SLC1A2: variants seen among roughly 807,000 people sequenced by gnomAD.
The protein encoded by SLC1A2 is excitatory amino acid transporter 2.
A neutral mutation model predicts 48.8 loss-of-function variants in SLC1A2; 15 were observed. That is an observed-to-expected ratio of 0.31 (90% CI 0.21 to 0.47). SLC1A2 has a LOEUF of 0.47. Among genes scored for constraint, SLC1A2 ranks in the 20% least tolerant of loss-of-function variants. SLC1A2 has a pLI of 0.99. For synonymous variants in SLC1A2, 279 were observed against 272.6 expected (o/e 1.02, Z -0.23); for missense variants, 502 against 730.5 (o/e 0.69, Z 3.61).
chr11:35,404,617 C>G (rs1182469588), intron 1 of SLC1A2: 2 of 152,220 alleles, frequency 1.3e-5, no homozygotes, highest in African/African-American at 4.8e-5. Context: ...TGCCCTCTCG[C>G]TCTTCCTTCA....
At chr11:35,347,910 A>C (rs1385610937) in intron 1 of SLC1A2, among the ~76,000 whole-genome samples, 1 of 152,232 alleles carries the variant, frequency 6.6e-6, no homozygotes, top group Non-Finnish European at 1.5e-5. Flanking sequence ...GTTCCTAAGA[A>C]AAATGAGGAC....
chr11:35,399,544 G>A, intron 1 of SLC1A2: 1 of 929,430 alleles, frequency 1.1e-6, no homozygotes. Context: ...TGGGTCTTGA[G>A]ACAAGATAGT....
intron 1 of SLC1A2, among the ~76,000 whole-genome samples, chr11:35,405,735 T>C (rs114988978): frequency 0.012 from 1,773 of 152,294 alleles, 37 homozygotes; most frequent in African/African-American, 0.041. Flanking sequence ...CTTCACAAGA[T>C]GAGCTGCTTC....
At chr11:35,358,414 G>A (rs914123924) in intron 1 of SLC1A2, among the ~76,000 whole-genome samples, 1 of 152,050 alleles carries the variant, frequency 6.6e-6, no homozygotes, top group Non-Finnish European at 1.5e-5. Context: ...GAACTTCAAG[G>A]AATTCATTTT....
chr11:35,404,046 T>C (rs1168538502), intron 1 of SLC1A2, among the ~76,000 whole-genome samples: 4 of 149,038 alleles, frequency 2.7e-5, no homozygotes, highest in Non-Finnish European at 6.0e-5. Flanking sequence ...ACACAACGTT[T>C]TCACACCTAT....
intron 1 of SLC1A2, among the ~76,000 whole-genome samples, chr11:35,389,452 CCTT>C (rs1555020634): frequency 1.3e-5 from 2 of 150,430 alleles, no homozygotes; most frequent in Non-Finnish European, 3.0e-5. Flanking sequence ...TTCTCCTTCT[CCTT>C]CTTCTTCTTC....
intron 1 of SLC1A2, chr11:35,380,284 T>G (rs1854379406): frequency 2.5e-6 from 1 of 398,240 alleles, no homozygotes; most frequent in Non-Finnish European, 4.4e-6. Context: ...TCTGGGTGGT[T>G]CGACTCCACC....
chr11:35,281,275 C>G (rs775695074), intron 8 of SLC1A2, among the ~76,000 whole-genome samples: 99 of 152,248 alleles, frequency 6.5e-4, no homozygotes, highest in Middle Eastern at 3.4e-3. Flanking sequence ...TCTAATATAT[C>G]ACAGGGCTCA....
At chr11:35,342,764 C>A (rs906714068) in intron 1 of SLC1A2, among the ~76,000 whole-genome samples, 7 of 151,040 alleles carry the variant, frequency 4.6e-5, no homozygotes, top group Non-Finnish European at 1.0e-4. Context: ...CCAGCCTGGG[C>A]GCGACAGAGT....
At chr11:35,297,594 A>T in intron 6 of SLC1A2, among the ~76,000 whole-genome samples, 1 of 152,144 alleles carries the variant, frequency 6.6e-6, no homozygotes, top group Admixed American at 6.5e-5. Flanking sequence ...TTATGTTTTT[A>T]TAGGGGTGAG....
At chr11:35,352,439 G>C (rs905640341) in intron 1 of SLC1A2, 1 of 152,234 alleles carries the variant, frequency 6.6e-6, no homozygotes, top group Non-Finnish European at 1.5e-5. Context: ...ACTATTTTTG[G>C]CTGGCAGGCA....
At chr11:35,265,933 T>C (rs1950475785) in intron 9 of SLC1A2, among the ~76,000 whole-genome samples, 175 bp from the exon 10 acceptor site, 1 of 152,212 alleles carries the variant, frequency 6.6e-6, no homozygotes, top group Non-Finnish European at 1.5e-5. Context: ...TGTTTGTCAG[T>C]TGGAGGTGAT....
chr11:35,384,754 T>G (rs1854533330), intron 1 of SLC1A2, among the ~76,000 whole-genome samples: 1 of 152,210 alleles, frequency 6.6e-6, no homozygotes, highest in African/African-American at 2.4e-5. Context: ...CTTGTTCTAT[T>G]GGACAGTTAC....
At chr11:35,357,097 GA>G (rs916627480) in intron 1 of SLC1A2, among the ~76,000 whole-genome samples, 20 of 147,820 alleles carry the variant, frequency 1.4e-4, no homozygotes, top group South Asian at 2.1e-4. Flanking sequence ...AAAGAAAAAA[GA>G]AAAAAAAAAT....
chr11:35,413,535 C>T (rs1190313516), intron 1 of SLC1A2, among the ~76,000 whole-genome samples: 1 of 152,130 alleles, frequency 6.6e-6, no homozygotes, highest in African/African-American at 2.4e-5. Context: ...GGTTCTTTGT[C>T]ATCAGATCTC....
intron 1 of SLC1A2, among the ~76,000 whole-genome samples, chr11:35,391,979 T>C (rs1288759541): frequency 6.6e-6 from 1 of 152,148 alleles, no homozygotes; most frequent in African/African-American, 2.4e-5. Flanking sequence ...GCGCTATCCA[T>C]TGCACCACAG....
At position 35,259,346 on chromosome 11, in the gene SLC1A2, C is replaced by T. The variant is rs1223847727; in HGVS notation, c.*1548G>A. ...TCACCTATAAACAAGGTTCTACATACTTCTTAGAGTCAAATGTGCTTTATT... is the reference window on the plus strand; with the variant it reads ...TCACCTATAAACAAGGTTCTACATATTTCTTAGAGTCAAATGTGCTTTATT... On this transcript the variant is annotated 3_prime_UTR_variant, in exon 11 of 11. Transcript: ENST00000278379. The T allele has an allele frequency of 2.6e-5, 4 of 152,626 alleles. No homozygotes were observed. Among genetic ancestry groups the T allele is most frequent in the Non-Finnish European group, 4.4e-5 (3 of 68,042 alleles). 9.5% of individuals were successfully genotyped at this position (152,626 alleles called of 1,614,324 possible). A position where few individuals can be genotyped will look rare whatever the true frequency, so the allele number is the denominator to read the frequency against.
rs1264991191 is a variant in SLC1A2 at position 35,286,897 on chromosome 11, A to T, written c.1146T>A (p.Asp382Glu). The T allele has an allele frequency of 6.2e-7, 1 of 1,614,142 alleles. No individual in the cohort carries two copies. The part of the protein sequence containing the change: ...FRCLEENLGI[D>E]KRVTRFVLPV... ...GAAGGACGAATCTAGTCACACGCTTATCAATCCCCAGATTTTCTTCCAGGC... is the reference window on the plus strand; with the variant it reads ...GAAGGACGAATCTAGTCACACGCTTTTCAATCCCCAGATTTTCTTCCAGGC... Residue 382 changes from aspartate to glutamate, a missense_variant, in exon 8 of 11, where the codon GAT (aspartate) becomes GAA (glutamate). Physicochemically the swap from Asp to Glu is conservative, Grantham distance 45. Transcript: ENST00000278379.
Position 35,416,188 on chromosome 11 carries a change from ACAGG to A in SLC1A2, c.17+2758_17+2761del, listed in dbSNP as rs1855599790. ...CAGACTGTGGTGGCATATGCTCTGTACAGGCAAAGATCAATGCACAGGTTACAAA... is the reference window on the plus strand; with the variant it reads ...CAGACTGTGGTGGCATATGCTCTGTACAAAGATCAATGCACAGGTTACAAA... On this transcript the variant is annotated intron_variant, in intron 1 of 10. Transcript: ENST00000278379. 2.0e-5 allele frequency among the ~76,000 whole-genome samples: 3 copies of A among 152,342 alleles called. No individual in the cohort carries two copies. In the South Asian group the frequency reaches 6.2e-4, roughly 32 times the overall value.
Sources: gnomAD v4.1 joint callset for allele counts (sites outside exome capture counted in the v4.1 genomes callset) on GRCh38, gnomAD v4.1.1 for gene constraint, MANE v1.5 for transcripts, NCBI Gene and HGNC (gene_info 2026-07-23, HGNC 2026-07-21) for gene names.